Variants in IKZF1 observed in about 807,000 individuals in gnomAD.
IKZF1 encodes the protein IKAROS family zinc finger 1.
In IKZF1, 10 loss-of-function variants were observed where a neutral mutation model predicts 51.7. That is an observed-to-expected ratio of 0.19 (90% CI 0.12 to 0.33). The LOEUF (loss-of-function observed/expected upper bound fraction) is 0.33, where lower values mean the gene tolerates loss of function less well. Ranked by LOEUF, IKZF1 falls within the 10% of genes least tolerant of loss-of-function variation. The pLI is 1.00. For missense variants in IKZF1, 484 were observed against 707.5 expected, an observed-to-expected ratio of 0.68 and a Z score of 3.58; for synonymous variants, 280 against 282.3, an observed-to-expected ratio of 0.99 and a Z score of 0.08.
At chr7:50,337,403 G>T (rs999464847) in intron 3 of IKZF1, among the ~76,000 whole-genome samples, 1 of 152,106 alleles carries the variant, frequency 6.6e-6, no homozygotes, top group South Asian at 2.1e-4. Context: ...TCCTCTTGGC[G>T]CTCTTCTCCC....
rs1818697095 is a variant in IKZF1 at position 50,404,630 on chromosome 7, C to T, written c.*4003C>T. On this transcript the variant is annotated 3_prime_UTR_variant, in exon 8 of 8. Coordinates refer to ENST00000331340, the MANE Select transcript of IKZF1 (RefSeq NM_006060.6). Reference sequence around the variant, plus strand: ...AGCGCAGCAGTTCAGCACAACGTACCTCCCATCTACAACAGTGCTGGACGT... The same window carrying T: ...AGCGCAGCAGTTCAGCACAACGTACTTCCCATCTACAACAGTGCTGGACGT... The T allele has an allele frequency of 4.4e-6, 1 of 229,858 alleles. No homozygotes were observed. Among genetic ancestry groups the T allele is most frequent in the South Asian group, 1.8e-4 (1 of 5,502 alleles). 14.2% of individuals were successfully genotyped at this position (229,858 alleles called of 1,614,324 possible). A position where few individuals can be genotyped will look rare whatever the true frequency, so the allele number is the denominator to read the frequency against.
intron 3 of IKZF1, among the ~76,000 whole-genome samples, chr7:50,354,039 A>G (rs1178564922): frequency 6.6e-6 from 1 of 152,134 alleles, no homozygotes; most frequent in Admixed American, 6.5e-5. Context: ...GAGGGCGCTG[A>G]TTTGTGTGCT....
intron 3 of IKZF1, among the ~76,000 whole-genome samples, chr7:50,348,037 A>C (rs1800821513): frequency 6.6e-6 from 1 of 152,186 alleles, no homozygotes; most frequent in South Asian, 2.1e-4. Context: ...GGACCAAGGG[A>C]CATTTTAGTG....
chr7:50,314,596 A>G lies in IKZF1; in HGVS notation c.-14-4452A>G, dbSNP rs1018894732. Among the ~76,000 whole-genome samples, 15 of 152,316 alleles carry G rather than the reference A, an allele frequency of 9.8e-5. No homozygotes were observed. In the East Asian group the frequency reaches 2.9e-3, roughly 29 times the overall value. On this transcript the variant is annotated intron_variant, in intron 1 of 7. Coordinates refer to ENST00000331340, the MANE Select transcript of IKZF1 (RefSeq NM_006060.6). ...TGATTCTTGACAGGCATCTATCTGC[A>G]TTTTCATTTTTACTTCATTTGTCTA...
intron 3 of IKZF1, among the ~76,000 whole-genome samples, chr7:50,342,607 A>C (rs1424242913): frequency 6.6e-6 from 1 of 152,064 alleles, no homozygotes; most frequent in East Asian, 1.9e-4. Flanking sequence ...ATGCTTTTGC[A>C]ACCTGATAAA....
intron 1 of IKZF1, among the ~76,000 whole-genome samples, chr7:50,314,892 A>G (rs1018799950): frequency 6.6e-6 from 1 of 152,228 alleles, no homozygotes; most frequent in African/African-American, 2.4e-5. Flanking sequence ...GTTTCTCCCC[A>G]GGGGACAGCC....
rs1796889970 is a variant in IKZF1, at chr7:50,333,549, A to G, written c.160+5792A>G. Among the ~76,000 whole-genome samples, 6 of 152,292 alleles carry G rather than the reference A, an allele frequency of 3.9e-5. No individual in the cohort carries two copies. In the South Asian group the frequency reaches 1.0e-3, roughly 26 times the overall value. ...CATCTCTTCTGAACCGATAAACCCC[A>G]TTTTAGCTGGGGAGAAATATTATCT... On this transcript the variant is annotated intron_variant, in intron 3 of 7. Transcript: ENST00000331340.
chr7:50,314,802 A>G lies in IKZF1; in HGVS notation c.-14-4246A>G, dbSNP rs140393524. ...GGCCACACTCTCCTTTGGGATGCTG[A>G]AGTCAGAATGAGTTCACTTCCCAGC... is the stretch of plus-strand genomic sequence containing the variant. On this transcript the variant is annotated intron_variant, in intron 1 of 7. Coordinates refer to ENST00000331340, the MANE Select transcript of IKZF1 (RefSeq NM_006060.6). Among the ~76,000 whole-genome samples, 3 of 152,302 alleles carry G rather than the reference A, an allele frequency of 2.0e-5. No individual in the cohort carries two copies. In the East Asian group the frequency reaches 5.8e-4, roughly 29 times the overall value.
At chr7:50,319,909 A>G (rs1792697184) in intron 2 of IKZF1, among the ~76,000 whole-genome samples, 1 of 152,158 alleles carries the variant, frequency 6.6e-6, no homozygotes, top group Admixed American at 6.5e-5. Flanking sequence ...ATGGGATTCT[A>G]CAAGTTGGTG....
At chr7:50,388,724 C>T (rs1814136796) in intron 6 of IKZF1, 1 of 152,106 alleles carries the variant, frequency 6.6e-6, no homozygotes, top group South Asian at 2.1e-4. Context: ...ATTCACATGG[C>T]CAGACCCCAG....
At chr7:50,313,069 G>A (rs1377327345) in intron 1 of IKZF1, among the ~76,000 whole-genome samples, 1 of 152,134 alleles carries the variant, frequency 6.6e-6, no homozygotes, top group Non-Finnish European at 1.5e-5. Flanking sequence ...AACCTATAAG[G>A]TCTCTTTGAC....
intron 2 of IKZF1, among the ~76,000 whole-genome samples, chr7:50,325,569 C>T (rs981912786): frequency 6.6e-6 from 1 of 152,190 alleles, no homozygotes; most frequent in South Asian, 2.1e-4. Context: ...GTCAGGAGAT[C>T]GAGACCATCT....
At chr7:50,304,689 A>G (rs534432305), upstream of IKZF1, 14 of 152,050 alleles carry the variant, frequency 9.2e-5, no homozygotes, top group African/African-American at 3.4e-4. Flanking sequence ...AAAGCTGGGA[A>G]GAGCTCCGCG....
At chr7:50,310,210 G>A (rs905031837) in intron 1 of IKZF1, among the ~76,000 whole-genome samples, 5 of 152,190 alleles carry the variant, frequency 3.3e-5, no homozygotes, top group African/African-American at 7.2e-5. Flanking sequence ...GCTTTAGTAT[G>A]AGGTTGTGTA....
At chr7:50,340,945 A>G (rs1279735836) in intron 3 of IKZF1, among the ~76,000 whole-genome samples, 2 of 152,206 alleles carry the variant, frequency 1.3e-5, no homozygotes, top group African/African-American at 2.4e-5. Context: ...ATTGCTACTT[A>G]TATATGGTCT....
chr7:50,347,424 G>A (rs1320723821), intron 3 of IKZF1, among the ~76,000 whole-genome samples: 1 of 152,094 alleles, frequency 6.6e-6, no homozygotes, highest in African/African-American at 2.4e-5. Context: ...GTTTACGGTG[G>A]TTCATCATGA....
At chr7:50,391,578 G>A (rs1815071737) in intron 6 of IKZF1, 151 bp from the exon 7 acceptor site, 2 of 1,217,734 alleles carry the variant, frequency 1.6e-6, no homozygotes, top group Admixed American at 2.7e-5. Context: ...GCCTCTGCCT[G>A]TCTGGAAGTG....
intron 7 of IKZF1, among the ~76,000 whole-genome samples, chr7:50,396,738 C>G (rs1415477783): frequency 1.3e-5 from 2 of 152,112 alleles, no homozygotes; most frequent in Non-Finnish European, 2.9e-5. Context: ...GAAAGAATGC[C>G]AAAGATGGGG....
intron 3 of IKZF1, among the ~76,000 whole-genome samples, chr7:50,331,259 T>TA (rs1403575128): frequency 6.6e-6 from 1 of 151,430 alleles, no homozygotes; most frequent in Non-Finnish European, 1.5e-5. Context: ...TTTCTTACTT[T>TA]AAAAAAAATG....
Sources: gnomAD v4.1 joint callset for allele counts (sites outside exome capture counted in the v4.1 genomes callset) on GRCh38, gnomAD v4.1.1 for gene constraint, MANE v1.5 for transcripts, NCBI Gene and HGNC (gene_info 2026-07-23, HGNC 2026-07-21) for gene names.